Variants in KL observed in about 807,000 individuals in gnomAD.
The protein encoded by KL is alpha-klotho.
KL carries 62 observed loss-of-function variants against 84.2 expected under a neutral mutation model. That is an observed-to-expected ratio of 0.74 (90% CI 0.60 to 0.91). KL has a LOEUF of 0.91. KL is among the 40% of genes least tolerant of loss of function. The pLI is 0.00. For synonymous variants in KL, 528 were observed against 528.0 expected (o/e 1.00, Z 0.00); for missense variants, 1,261 against 1,305.7 (o/e 0.97, Z 0.53).
chr13:33,026,833 G>A (rs1327726920), intron 1 of KL, among the ~76,000 whole-genome samples: 1 of 152,136 alleles, frequency 6.6e-6, no homozygotes, highest in Non-Finnish European at 1.5e-5. Flanking sequence ...TGGGACTTCT[G>A]GGAAACACTG....
At chr13:33,055,474 C>A in intron 3 of KL, 159 bp downstream of exon 3, 1 of 802,342 alleles carries the variant, frequency 1.2e-6, no homozygotes, top group Admixed American at 2.1e-5. Flanking sequence ...AATGCTGCAC[C>A]CTTCTCTCCA....
At chr13:33,039,876 G>A (rs984175055) in intron 1 of KL, among the ~76,000 whole-genome samples, 4 of 152,106 alleles carry the variant, frequency 2.6e-5, no homozygotes, top group African/African-American at 9.7e-5. Context: ...ATTTATATGC[G>A]ATTCTACTGG....
chr13:33,029,522 C>A (rs1369582511), intron 1 of KL, among the ~76,000 whole-genome samples: 9 of 152,198 alleles, frequency 5.9e-5, no homozygotes, highest in Non-Finnish European at 1.2e-4. Flanking sequence ...AAATGTTTAG[C>A]AACTGTCAAG....
At chr13:33,043,553 TG>T (rs1381062694) in intron 1 of KL, among the ~76,000 whole-genome samples, 1 of 152,130 alleles carries the variant, frequency 6.6e-6, no homozygotes, top group Non-Finnish European at 1.5e-5. Context: ...GGCATCTTAG[TG>T]GGTGTGAGTG....
At chr13:33,050,861 TCA>T (rs754783073) in intron 1 of KL, among the ~76,000 whole-genome samples, 15 of 152,240 alleles carry the variant, frequency 9.9e-5, no homozygotes, top group Non-Finnish European at 2.1e-4. Context: ...CATTTAATCC[TCA>T]CAGTGTCCCT....
chr13:33,040,097 A>C (rs1871284595), intron 1 of KL, among the ~76,000 whole-genome samples: 1 of 152,150 alleles, frequency 6.6e-6, no homozygotes, highest in South Asian at 2.1e-4. Flanking sequence ...GCACACAGAG[A>C]CTACTGGCTA....
intron 3 of KL, among the ~76,000 whole-genome samples, chr13:33,059,874 C>G (rs1268231730): frequency 6.6e-6 from 1 of 152,232 alleles, no homozygotes; most frequent in East Asian, 1.9e-4. Context: ...AGCACTTCCT[C>G]TACCTATAGC....
In KL at chr13:33,045,525, G is replaced by A. The variant is rs969895622; in HGVS notation, c.820-8242G>A. On this transcript the variant is annotated intron_variant, in intron 1 of 4. Transcript: ENST00000380099. ...GAGACGGAGTTTCTCTTGTTGCCTG[G>A]GCTGGAGTGCAGTGGCGTGATCTCG... 3.3e-5 allele frequency among the ~76,000 whole-genome samples: 5 copies of A among 152,074 alleles called. No individual in the cohort carries two copies. In the East Asian group the frequency reaches 5.8e-4, roughly 18 times the overall value.
At position 33,053,829 on chromosome 13, in the gene KL, G is replaced by A; in HGVS notation, c.882G>A (p.Val294=). 4 of 1,614,048 alleles carry A rather than the reference G, an allele frequency of 2.5e-6. No homozygotes were observed. Among genetic ancestry groups the A allele is most frequent in the South Asian group, 2.2e-5 (2 of 91,084 alleles). ...TSFRPTQGGQ[V]SIALSSHWIN... is the part of the protein sequence containing the mutation. ...TCCGTCCCACTCAGGGAGGTCAGGT[G>A]TCCATTGCCCTAAGCTCTCACTGGA... is the stretch of plus-strand genomic sequence containing the variant. The change falls in exon 2 of 5, where the codon GTG becomes GTA. Residue 294 remains valine (V), a synonymous_variant. Coordinates refer to ENST00000380099, the MANE Select transcript of KL (RefSeq NM_004795.4).
In KL at chr13:33,064,553, T is replaced by C. The variant is rs1283436594; in HGVS notation, c.*367T>C. On this transcript the variant is annotated 3_prime_UTR_variant, in exon 5 of 5. Transcript: ENST00000380099. ...GCACCCACTTCTAAATTTAATGTTT[T>C]TCTGGAAGTAGTAATTGCAAGAGTT... The C allele has an allele frequency of 7.4e-6, 2 of 271,140 alleles. No individual in the cohort carries two copies. The highest frequency in any genetic ancestry group is 4.4e-5 in the African/African-American group (2 of 45,596). The allele number at this position is 271,140 out of a possible 1,614,324, so 16.8% of individuals were successfully genotyped here. A position where few individuals can be genotyped will look rare whatever the true frequency, so the allele number is the denominator to read the frequency against.
At chr13:33,058,290 A>G (rs921021242) in intron 3 of KL, among the ~76,000 whole-genome samples, 2 of 151,526 alleles carry the variant, frequency 1.3e-5, no homozygotes, top group Non-Finnish European at 2.9e-5. Flanking sequence ...TTAGTTAACA[A>G]ATTAATGGAG....
At chr13:33,044,167 T>C (rs1871438244) in intron 1 of KL, among the ~76,000 whole-genome samples, 1 of 152,244 alleles carries the variant, frequency 6.6e-6, no homozygotes, top group South Asian at 2.1e-4. Context: ...AATTTTCTGT[T>C]CTGCTCCTTT....
chr13:33,056,762 C>T (rs1463358404), intron 3 of KL, among the ~76,000 whole-genome samples: 6 of 151,904 alleles, frequency 3.9e-5, no homozygotes, highest in Admixed American at 1.3e-4. Flanking sequence ...GCCGAGATTG[C>T]GCCACTGCAC....
At chr13:33,050,876 G>A (rs1213575448) in intron 1 of KL, among the ~76,000 whole-genome samples, 56 of 152,108 alleles carry the variant, frequency 3.7e-4, no homozygotes, top group Non-Finnish European at 4.4e-5. Context: ...GTGTCCCTAC[G>A]GGACAATAGA....
chr13:33,022,574 T>C (rs1157870304), intron 1 of KL, among the ~76,000 whole-genome samples: 1 of 152,230 alleles, frequency 6.6e-6, no homozygotes, highest in Non-Finnish European at 1.5e-5. Flanking sequence ...ATATGCTCTA[T>C]TTTGATGTAT....
chr13:33,056,123 T>C (rs1871948012), intron 3 of KL, among the ~76,000 whole-genome samples: 1 of 152,188 alleles, frequency 6.6e-6, no homozygotes, highest in South Asian at 2.1e-4. Context: ...GAAAACAATG[T>C]ATGCACAAAT....
At chr13:33,041,148 T>C (rs1235255466) in intron 1 of KL, among the ~76,000 whole-genome samples, 1 of 152,114 alleles carries the variant, frequency 6.6e-6, no homozygotes, top group Non-Finnish European at 1.5e-5. Flanking sequence ...TACATTTACA[T>C]AGTTGTTTGA....
At chr13:33,043,343 C>T (rs1027666625) in intron 1 of KL, among the ~76,000 whole-genome samples, 8 of 151,994 alleles carry the variant, frequency 5.3e-5, no homozygotes, top group African/African-American at 1.9e-4. Flanking sequence ...CCTCAGCATC[C>T]CAAGCAGCTG....
chr13:33,053,452 A>G lies in KL; in HGVS notation c.820-315A>G, dbSNP rs116077080. ...AAGTACATAATCCAAAGTCAATTAA[A>G]TAGTAAGCTATTATAACAAATTCTT... On this transcript the variant is annotated intron_variant, in intron 1 of 4. Coordinates refer to ENST00000380099, the MANE Select transcript of KL (RefSeq NM_004795.4). Among the ~76,000 whole-genome samples, 234 of 152,322 alleles carry G rather than the reference A, an allele frequency of 1.5e-3. 1 individual carries two copies. Among genetic ancestry groups the G allele is most frequent in the African/African-American group, 5.2e-3 (218 of 41,578 alleles).
Sources: allele counts gnomAD v4.1 joint callset (sites outside exome capture counted in the v4.1 genomes callset), GRCh38; gene constraint gnomAD v4.1.1; transcripts MANE v1.5; gene names NCBI Gene and HGNC (gene_info 2026-07-23, HGNC 2026-07-21).